Variants in ARHGAP39 observed in about 807,000 individuals in gnomAD.
The protein encoded by ARHGAP39 is rho GTPase-activating protein 39.
In ARHGAP39, 44 loss-of-function variants were observed where a neutral mutation model predicts 106.9. That is an observed-to-expected ratio of 0.41 (90% confidence interval 0.32 to 0.53). The LOEUF is 0.53. ARHGAP39 is among the 20% of genes least tolerant of loss of function. ARHGAP39 has a pLI of 0.21. For synonymous variants in ARHGAP39, 768 were observed against 693.2 expected (o/e 1.11, Z -1.69); for missense variants, 1,496 against 1,577.3 (o/e 0.95, Z 0.87).
intron 3 of ARHGAP39, among the ~76,000 whole-genome samples, chr8:144,580,079 G>C (rs1304051367): frequency 6.6e-6 from 1 of 151,916 alleles, no homozygotes; most frequent in African/African-American, 2.4e-5. Context: ...CGTCCTCTCT[G>C]GACTCGCTTC....
chr8:144,603,985 C>T (rs1397441294), intron 2 of ARHGAP39, among the ~76,000 whole-genome samples: 1 of 152,098 alleles, frequency 6.6e-6, no homozygotes, highest in Non-Finnish European at 1.5e-5. Flanking sequence ...CCGAAAAAAC[C>T]CAACGGAGCT....
intron 4 of ARHGAP39, among the ~76,000 whole-genome samples, chr8:144,553,297 C>T (rs1396870386): frequency 6.6e-6 from 1 of 152,200 alleles, no homozygotes; most frequent in Non-Finnish European, 1.5e-5. Flanking sequence ...TTCCCGCTTT[C>T]CAGAAGCCCT....
intron 1 of ARHGAP39, among the ~76,000 whole-genome samples, chr8:144,681,151 A>C (rs2129765488): frequency 6.6e-6 from 1 of 152,232 alleles, no homozygotes; most frequent in East Asian, 2.0e-4. Flanking sequence ...GGCACAGCAA[A>C]GACTTGTCAG....
chr8:144,606,642 G>A (rs1820303491), intron 1 of ARHGAP39, among the ~76,000 whole-genome samples: 2 of 152,160 alleles, frequency 1.3e-5, no homozygotes, highest in Admixed American at 1.3e-4. Context: ...TGACGGTGGA[G>A]GAGGTGACTG....
At chr8:144,611,358 G>A (rs113834938) in intron 1 of ARHGAP39, among the ~76,000 whole-genome samples, 35 of 152,184 alleles carry the variant, frequency 2.3e-4, no homozygotes, top group African/African-American at 7.2e-4. Flanking sequence ...GGTGAAGTGC[G>A]TATAAAGCCA....
intron 2 of ARHGAP39, among the ~76,000 whole-genome samples, chr8:144,593,098 C>T (rs762291548): frequency 1.3e-5 from 2 of 152,302 alleles, no homozygotes; most frequent in Middle Eastern, 3.4e-3. Flanking sequence ...TCAGGGTACC[C>T]GGCGGGATGG....
At chr8:144,533,422 G>T in intron 8 of ARHGAP39, 97 bp from the exon 9 acceptor site, 1 of 1,252,976 alleles carries the variant, frequency 8.0e-7, no homozygotes, top group Non-Finnish European at 1.1e-6. Flanking sequence ...GGTGGGTGGC[G>T]CTCTTCAGAA....
Position 144,581,295 on chromosome 8 carries a change from TAA to T in ARHGAP39, c.81-20_81-19del. 6.5e-7 allele frequency: 1 copy of T among 1,528,502 alleles called. No individual in the cohort carries two copies. The allele number at this position is 1,528,502 out of a possible 1,614,324, so 94.7% of individuals were successfully genotyped here. ...ACTCCAACCTGGGGAGAGACAGGGT[TAA>T]GGCGGCTGGAGCCACGGCGGCCTGG... On this transcript the variant is annotated intron_variant, in intron 2 of 11. Coordinates refer to ENST00000377307, the MANE Select transcript of ARHGAP39 (RefSeq NM_025251.3).
chr8:144,665,100 T>C (rs1444238299), intron 1 of ARHGAP39, among the ~76,000 whole-genome samples: 1 of 152,210 alleles, frequency 6.6e-6, no homozygotes, highest in East Asian at 1.9e-4. Context: ...ACAAACTTGT[T>C]GAGAACTGGA....
intron 2 of ARHGAP39, among the ~76,000 whole-genome samples, chr8:144,600,585 T>C (rs762043731): frequency 7.5e-5 from 11 of 146,620 alleles, no homozygotes; most frequent in Non-Finnish European, 1.3e-4. Flanking sequence ...TGTGCACTTG[T>C]ATACCTGAGT....
At chr8:144,608,358 C>T (rs1472684450) in intron 1 of ARHGAP39, among the ~76,000 whole-genome samples, 1 of 152,066 alleles carries the variant, frequency 6.6e-6, no homozygotes, top group Non-Finnish European at 1.5e-5. Flanking sequence ...AACTCCTTCC[C>T]CTATGCACCT....
chr8:144,604,080 C>T lies in ARHGAP39; in HGVS notation c.80+1455G>A, dbSNP rs1820188728. 6.6e-6 allele frequency among the ~76,000 whole-genome samples: 1 copy of T among 152,250 alleles called. No homozygotes were observed. The highest frequency in any genetic ancestry group is 2.4e-5 in the African/African-American group (1 of 41,464). On this transcript the variant is annotated intron_variant, in intron 2 of 11. Transcript: ENST00000377307. This position sits in a 1 kb window ranked among gnomAD's most constrained non-coding sequence, Gnocchi z 4.1. ...AGCAGGACTCCTGCTCAGGTCAAGGCAGAGTGCGGATCGCAACTGTGGAAG... is the reference window on the plus strand; with the variant it reads ...AGCAGGACTCCTGCTCAGGTCAAGGTAGAGTGCGGATCGCAACTGTGGAAG...
intron 1 of ARHGAP39, among the ~76,000 whole-genome samples, chr8:144,609,892 G>C (rs1820431352): frequency 6.6e-6 from 1 of 152,132 alleles, no homozygotes; most frequent in African/African-American, 2.4e-5. Flanking sequence ...AGTTTATATA[G>C]AATTGCTATT....
At chr8:144,651,135 G>A (rs1447550582) in intron 1 of ARHGAP39, among the ~76,000 whole-genome samples, 1 of 152,064 alleles carries the variant, frequency 6.6e-6, no homozygotes, top group East Asian at 1.9e-4. Context: ...AGTCAAATCA[G>A]GAAGGCAATC....
Position 144,670,824 on chromosome 8 carries a change from T to A in ARHGAP39, c.-82+14862A>T, listed in dbSNP as rs889730531. 4.6e-5 allele frequency among the ~76,000 whole-genome samples: 7 copies of A among 152,202 alleles called. No individual in the cohort carries two copies. The highest frequency in any genetic ancestry group is 3.9e-4 in the Admixed American group (6 of 15,280). Reference sequence around the variant, plus strand: ...AACTGTGTGTATCTGTTTCCTGCACTAGACTCTGAGCTTCAAGAGACAAAC... The same window carrying A: ...AACTGTGTGTATCTGTTTCCTGCACAAGACTCTGAGCTTCAAGAGACAAAC... On this transcript the variant is annotated intron_variant, in intron 1 of 11. Transcript: ENST00000377307. This position sits in a 1 kb window ranked among gnomAD's most constrained non-coding sequence, Gnocchi z 4.4.
At chr8:144,666,850 T>C (rs1586647076) in intron 1 of ARHGAP39, among the ~76,000 whole-genome samples, 1 of 152,260 alleles carries the variant, frequency 6.6e-6, no homozygotes, top group South Asian at 2.1e-4. Context: ...CAATACAGTG[T>C]TCAAAGCGAC....
chr8:144,682,064 C>T (rs139598891), intron 1 of ARHGAP39, among the ~76,000 whole-genome samples: 4 of 151,430 alleles, frequency 2.6e-5, no homozygotes, highest in Non-Finnish European at 5.9e-5. Context: ...GTCAGGAGAT[C>T]GAGACCATCC....
At chr8:144,546,432 C>T (rs916468724) in intron 5 of ARHGAP39, among the ~76,000 whole-genome samples, 2 of 152,190 alleles carry the variant, frequency 1.3e-5, no homozygotes, top group African/African-American at 4.8e-5. Context: ...GAAGGCCACC[C>T]AGGCCCTCGA....
chr8:144,682,244 CAA>C (rs1199836499), intron 1 of ARHGAP39, among the ~76,000 whole-genome samples: 66 of 30,668 alleles, frequency 2.2e-3, no homozygotes, highest in African/African-American at 8.5e-3. Context: ...GACTCTATCT[CAA>C]AAAAAAAAAA....
Sources: allele counts gnomAD v4.1 joint callset (sites outside exome capture counted in the v4.1 genomes callset), GRCh38; gene constraint gnomAD v4.1.1; non-coding constraint Gnocchi (gnomAD v3.1); transcripts MANE v1.5; gene names NCBI Gene and HGNC (gene_info 2026-07-23, HGNC 2026-07-21).